ACER2: variants seen among roughly 807,000 people sequenced by gnomAD.
ACER2 encodes the protein alkCDase 2.
ACER2 carries 26 observed loss-of-function variants against 34.7 expected under a neutral mutation model. That is an observed-to-expected ratio of 0.75 (90% CI 0.55 to 1.04). ACER2 has a LOEUF of 1.04. ACER2 is among the 50% of genes least tolerant of loss of function. ACER2 has a pLI of 0.00. For synonymous variants in ACER2, 138 were observed against 132.1 expected, an observed-to-expected ratio of 1.04 and a Z score of -0.31; for missense variants, 352 against 340.8, an observed-to-expected ratio of 1.03 and a Z score of -0.26.
intron 4 of ACER2, among the ~76,000 whole-genome samples, chr9:19,437,447 C>T (rs916542892): frequency 4.6e-5 from 7 of 152,168 alleles, no homozygotes; most frequent in Non-Finnish European, 2.9e-5. Context: ...CTGTCACCTC[C>T]TCCCATATCC....
At chr9:19,432,659 T>C (rs1830794520) in intron 3 of ACER2, among the ~76,000 whole-genome samples, 1 of 148,220 alleles carries the variant, frequency 6.7e-6, no homozygotes, top group Non-Finnish European at 1.5e-5. Context: ...ATTATACTTA[T>C]AACCATATAG....
rs528294803 is a variant in ACER2, at chr9:19,442,872, G to A, written c.504-3409G>A. 1.1e-3 allele frequency among the ~76,000 whole-genome samples: 164 copies of A among 149,590 alleles called. 1 individual carries two copies. The highest frequency in any genetic ancestry group is 1.2e-3 in the Non-Finnish European group (80 of 67,802). ...TTTTGAGATGGGGTCTCGCTCTGTC[G>A]CCCAGGCTGGAGTGCGGTGGCACTA... On this transcript the variant is annotated intron_variant, in intron 4 of 5. Coordinates refer to ENST00000340967, the MANE Select transcript of ACER2 (RefSeq NM_001010887.3).
At position 19,435,596 on chromosome 9, in the gene ACER2, G is replaced by A. The variant is rs549344325; in HGVS notation, c.503+512G>A. Among the ~76,000 whole-genome samples the A allele has an allele frequency of 2.7e-3, 411 of 152,266 alleles. 2 individuals are homozygous for A. The highest frequency in any genetic ancestry group is 9.1e-3 in the African/African-American group (379 of 41,560). ...CTTTTGGGAACTTGTGTACTCAAAT[G>A]CAAAAATCAGCTGGGCATGGTGGTG... On this transcript the variant is annotated intron_variant, in intron 4 of 5. Transcript: ENST00000340967.
rs568110743 is a variant in ACER2, at chr9:19,421,329, A to G, written c.109-2533A>G. 2.6e-5 allele frequency among the ~76,000 whole-genome samples: 4 copies of G among 152,358 alleles called. No individual in the cohort carries two copies. In the East Asian group the frequency reaches 7.7e-4, roughly 29 times the overall value. On this transcript the variant is annotated intron_variant, in intron 1 of 5. Coordinates refer to ENST00000340967, the MANE Select transcript of ACER2 (RefSeq NM_001010887.3). ...TGTGTGGGGGTGACACATTCAGACC[A>G]TAGTACCCAGCAACAATTAATGTAT...
chr9:19,429,248 T>A (rs1830675883), intron 3 of ACER2, among the ~76,000 whole-genome samples: 1 of 152,216 alleles, frequency 6.6e-6, no homozygotes, highest in African/African-American at 2.4e-5. Context: ...ACTGAATTGC[T>A]GATGGTTATT....
chr9:19,427,437 C>T (rs530574448), intron 3 of ACER2, among the ~76,000 whole-genome samples: 2 of 152,256 alleles, frequency 1.3e-5, no homozygotes, highest in East Asian at 1.9e-4. Context: ...GAAGGCCAAG[C>T]CCCTTTGCTT....
intron 5 of ACER2, among the ~76,000 whole-genome samples, chr9:19,449,286 C>A (rs1422891748): frequency 6.6e-6 from 1 of 152,144 alleles, no homozygotes; most frequent in African/African-American, 2.4e-5. Context: ...TAGGCAACAC[C>A]CAGATTCCAT....
At chr9:19,434,752 G>A (rs1830903831) in intron 3 of ACER2, among the ~76,000 whole-genome samples, 195 bp from the exon 4 acceptor site, 1 of 147,042 alleles carries the variant, frequency 6.8e-6, no homozygotes, top group African/African-American at 2.6e-5. Context: ...CGGCATGAGA[G>A]GGAGACCCTC....
intron 1 of ACER2, among the ~76,000 whole-genome samples, chr9:19,414,512 G>A (rs952064681): frequency 1.3e-5 from 2 of 152,328 alleles, no homozygotes; most frequent in African/African-American, 2.4e-5. Context: ...GCTAGGCGCA[G>A]TGGCTCACAC....
intron 4 of ACER2, among the ~76,000 whole-genome samples, chr9:19,438,192 A>G (rs983752711): frequency 6.6e-6 from 1 of 152,220 alleles, no homozygotes; most frequent in African/African-American, 2.4e-5. Context: ...TACTGTCCTT[A>G]TTTGAAATTG....
At chr9:19,436,216 C>G (rs1263096391) in intron 4 of ACER2, among the ~76,000 whole-genome samples, 1 of 152,118 alleles carries the variant, frequency 6.6e-6, no homozygotes, top group Non-Finnish European at 1.5e-5. Flanking sequence ...TGCAGCCAGC[C>G]TGCCCTTCCT....
At chr9:19,426,777 CAG>C (rs1457066794) in intron 3 of ACER2, among the ~76,000 whole-genome samples, 4 of 151,784 alleles carry the variant, frequency 2.6e-5, no homozygotes, top group African/African-American at 4.8e-5. Flanking sequence ...ATAATGAAAA[CAG>C]AGCCAGTTGG....
At chr9:19,447,310 G>A (rs2132534391) in intron 5 of ACER2, among the ~76,000 whole-genome samples, 1 of 152,326 alleles carries the variant, frequency 6.6e-6, no homozygotes, top group Non-Finnish European at 1.5e-5. Context: ...TCTATCCAGA[G>A]ATAGGCTAAA....
intron 3 of ACER2, among the ~76,000 whole-genome samples, chr9:19,425,138 A>G (rs1358333227): frequency 6.6e-6 from 1 of 152,234 alleles, no homozygotes; most frequent in African/African-American, 2.4e-5. Context: ...TGGGGGTGAC[A>G]TTACTGAATG....
At chr9:19,434,175 G>A (rs1201889509) in intron 3 of ACER2, among the ~76,000 whole-genome samples, 64 of 151,774 alleles carry the variant, frequency 4.2e-4, no homozygotes, top group Non-Finnish European at 8.1e-4. Context: ...CCAGATGATG[G>A]GCGGCCGGGC....
At chr9:19,448,896 T>G (rs1041692311) in intron 5 of ACER2, among the ~76,000 whole-genome samples, 9 of 152,202 alleles carry the variant, frequency 5.9e-5, no homozygotes, top group African/African-American at 2.2e-4. Flanking sequence ...ATCTCAGCAC[T>G]TTGGGAGGCC....
chr9:19,441,655 C>A (rs1831161127), intron 4 of ACER2, among the ~76,000 whole-genome samples: 1 of 152,106 alleles, frequency 6.6e-6, no homozygotes, highest in Admixed American at 6.5e-5. Context: ...TGGCACCCAT[C>A]CTGATTGTAA....
intron 3 of ACER2, 50 bp from the exon 4 acceptor site, chr9:19,434,896 CA>C (rs753989000): frequency 6.2e-7 from 1 of 1,604,932 alleles, no homozygotes; most frequent in Admixed American, 1.7e-5. Context: ...AACAAACAAA[CA>C]AACAAGAACT....
intron 1 of ACER2, among the ~76,000 whole-genome samples, chr9:19,409,420 T>C (rs1830018189): frequency 6.6e-6 from 1 of 152,190 alleles, no homozygotes; most frequent in Non-Finnish European, 1.5e-5. Context: ...CCTGCTGTCA[T>C]TTGTTTTGTG....
Sources: allele counts gnomAD v4.1 joint callset (sites outside exome capture counted in the v4.1 genomes callset), GRCh38; gene constraint gnomAD v4.1.1; transcripts MANE v1.5; gene names NCBI Gene and HGNC (gene_info 2026-07-23, HGNC 2026-07-21).